SLC39A9: variants seen among roughly 807,000 people sequenced by gnomAD.
The protein encoded by SLC39A9 is solute carrier family 39 member 9, also known as zinc transporter ZIP9.
In SLC39A9, 14 loss-of-function variants were observed where a neutral mutation model predicts 28.4. That is an observed-to-expected ratio of 0.49 (90% CI 0.33 to 0.77). The LOEUF (loss-of-function observed/expected upper bound fraction) is 0.77. Ranked by LOEUF, SLC39A9 falls within the 30% of genes least tolerant of loss-of-function variation. SLC39A9 has a pLI of 0.02. For synonymous variants in SLC39A9, 119 were observed against 149.6 expected, an observed-to-expected ratio of 0.80 and a Z score of 1.49; for missense variants, 283 against 381.1, an observed-to-expected ratio of 0.74 and a Z score of 2.14.
intron 2 of SLC39A9, among the ~76,000 whole-genome samples, chr14:69,425,081 C>T (rs1386305476): frequency 1.3e-5 from 2 of 152,066 alleles, no homozygotes; most frequent in Non-Finnish European, 2.9e-5. Flanking sequence ...AGAAGTGTTG[C>T]AAGATAGGAC....
At chr14:69,413,590 C>T (rs998677787) in intron 1 of SLC39A9, among the ~76,000 whole-genome samples, 1 of 151,634 alleles carries the variant, frequency 6.6e-6, no homozygotes, top group Non-Finnish European at 1.5e-5. Flanking sequence ...TTTATTTTGT[C>T]ATGAACCATT....
chr14:69,447,334 G>A (rs1330052867), intron 3 of SLC39A9, among the ~76,000 whole-genome samples: 4 of 152,178 alleles, frequency 2.6e-5, no homozygotes, highest in Non-Finnish European at 5.9e-5. Flanking sequence ...GCAAATTCTG[G>A]AAGGGAGTCA....
intron 1 of SLC39A9, among the ~76,000 whole-genome samples, chr14:69,417,844 G>T (rs1883661541): frequency 6.6e-6 from 1 of 152,132 alleles, no homozygotes; most frequent in South Asian, 2.1e-4. Flanking sequence ...TGCTGAAGTT[G>T]CTTATCAGCT....
In SLC39A9 at chr14:69,424,083, T is replaced by C. The variant is rs775225389; in HGVS notation, c.97-11T>C. On this transcript the variant is annotated splice_polypyrimidine_tract_variant and intron_variant, in intron 1 of 6. Coordinates refer to ENST00000336643, the MANE Select transcript of SLC39A9 (RefSeq NM_018375.5). ...CAAAGTTTGCAATTATTTCTTTTGC[T>C]TTCTCCCCAGGAACGACTGAAGCTG... 6.2e-7 allele frequency: 1 copy of C among 1,608,864 alleles called. No individual in the cohort carries two copies. Among genetic ancestry groups the C allele is most frequent in the Non-Finnish European group, 8.5e-7 (1 of 1,175,594 alleles).
intron 2 of SLC39A9, among the ~76,000 whole-genome samples, chr14:69,436,535 G>A (rs777345828): frequency 6.6e-6 from 1 of 152,178 alleles, no homozygotes; most frequent in Non-Finnish European, 1.5e-5. Flanking sequence ...TTTAGATTCA[G>A]CCTAAAAGTT....
chr14:69,411,406 A>G (rs528297383), intron 1 of SLC39A9, among the ~76,000 whole-genome samples: 32 of 152,254 alleles, frequency 2.1e-4, no homozygotes, highest in African/African-American at 7.7e-4. Flanking sequence ...TAATTAATGT[A>G]TCTAGCAGAT....
At chr14:69,438,427 T>C (rs1566919671) in intron 2 of SLC39A9, among the ~76,000 whole-genome samples, 1 of 152,210 alleles carries the variant, frequency 6.6e-6, no homozygotes, top group Non-Finnish European at 1.5e-5. Context: ...GTGGACCTTA[T>C]AATTATAATA....
intron 2 of SLC39A9, chr14:69,429,086 C>G (rs958387571): frequency 6.6e-6 from 1 of 152,072 alleles, no homozygotes; most frequent in African/African-American, 2.4e-5. Context: ...GTTTCCTAAT[C>G]TTAAAATCTA....
At chr14:69,425,018 T>G (rs974771006) in intron 2 of SLC39A9, among the ~76,000 whole-genome samples, 3 of 152,172 alleles carry the variant, frequency 2.0e-5, no homozygotes, top group African/African-American at 7.2e-5. Flanking sequence ...GTGATGCTCT[T>G]AGGCCTGGGG....
Position 69,459,820 on chromosome 14 carries a change from G to A in SLC39A9, c.*1227G>A, listed in dbSNP as rs1308363740. 1.0e-6 allele frequency: 1 copy of A among 985,230 alleles called. No homozygotes were observed. The highest frequency in any genetic ancestry group is 1.2e-6 in the Non-Finnish European group (1 of 829,926). The allele number at this position is 985,230 out of a possible 1,614,324, so 61.0% of individuals were successfully genotyped here. A position where few individuals can be genotyped will look rare whatever the true frequency, so the allele number is the denominator to read the frequency against. On this transcript the variant is annotated 3_prime_UTR_variant, in exon 7 of 7. Coordinates refer to ENST00000336643, the MANE Select transcript of SLC39A9 (RefSeq NM_018375.5). ...CTGCTTACTGCTGGTGTTAATATTT[G>A]TGTGGGATGAATTCTTATCAGGACA...
intron 1 of SLC39A9, among the ~76,000 whole-genome samples, chr14:69,423,099 T>C (rs866264801): frequency 6.6e-5 from 10 of 152,344 alleles, no homozygotes; most frequent in Middle Eastern, 3.4e-3. Flanking sequence ...TTAAAAGTTA[T>C]GTATTTATAT....
At chr14:69,421,777 A>G (rs1883911503) in intron 1 of SLC39A9, among the ~76,000 whole-genome samples, 1 of 152,178 alleles carries the variant, frequency 6.6e-6, no homozygotes, top group Non-Finnish European at 1.5e-5. Flanking sequence ...GCTAGCAGTG[A>G]ATAAGGCTCC....
At chr14:69,407,302 C>CCCTTCCTTCCTTCCTT (rs774804877) in intron 1 of SLC39A9, among the ~76,000 whole-genome samples, 79 of 143,936 alleles carry the variant, frequency 5.5e-4, no homozygotes, top group African/African-American at 1.8e-3. Flanking sequence ...TCCCTTCCTT[C>CCCTTCCTTCCTTCCTT]CCTTCCTTCC....
intron 1 of SLC39A9, among the ~76,000 whole-genome samples, chr14:69,400,332 T>G (rs1214784487): frequency 6.6e-6 from 1 of 152,232 alleles, no homozygotes; most frequent in East Asian, 1.9e-4. Flanking sequence ...GTTTTGACAT[T>G]TTCGTTAATT....
chr14:69,458,454 T>A lies in SLC39A9; in HGVS notation c.785T>A (p.Val262Asp), dbSNP rs1156501128. The A allele has an allele frequency of 6.2e-7, 1 of 1,614,120 alleles. No homozygotes were observed. Among genetic ancestry groups the A allele is most frequent in the African/African-American group, 1.3e-5 (1 of 74,934 alleles). The part of the protein sequence containing the change: ...GTFLYVATVH[V>D]LPEVGGIGHS... Reference sequence around the variant, plus strand: ...TTTCTTTATGTTGCCACAGTACATGTCCTCCCTGAGGTGGGCGGAATAGGG... The same window carrying A: ...TTTCTTTATGTTGCCACAGTACATGACCTCCCTGAGGTGGGCGGAATAGGG... The change falls in exon 7 of 7, where the codon GTC becomes GAC. Residue 262 changes from valine (V) to aspartate (D), a missense_variant. Physicochemically the swap from Val to Asp is radical, Grantham distance 152. Coordinates refer to ENST00000336643, the MANE Select transcript of SLC39A9 (RefSeq NM_018375.5).
At chr14:69,400,157 T>C (rs748774520) in intron 1 of SLC39A9, among the ~76,000 whole-genome samples, 9 of 152,264 alleles carry the variant, frequency 5.9e-5, no homozygotes, top group Non-Finnish European at 1.3e-4. Context: ...CACACCTTTC[T>C]GAGGAAAGCT....
intron 6 of SLC39A9, 145 bp downstream of exon 6, chr14:69,456,011 T>A: frequency 2.2e-6 from 2 of 901,486 alleles, no homozygotes; most frequent in Non-Finnish European, 3.2e-6. Flanking sequence ...GTAAATATCT[T>A]AATTCCAATG....
At chr14:69,415,917 CTT>C (rs1883550033) in intron 1 of SLC39A9, among the ~76,000 whole-genome samples, 1 of 151,890 alleles carries the variant, frequency 6.6e-6, no homozygotes, top group Non-Finnish European at 1.5e-5. Flanking sequence ...TAACTAACCT[CTT>C]TATTATTATT....
chr14:69,441,995 A>G, intron 2 of SLC39A9, 74 bp from the exon 3 acceptor site: 1 of 1,531,476 alleles, frequency 6.5e-7, no homozygotes, highest in African/African-American at 1.4e-5. Flanking sequence ...TGAAATACAA[A>G]GAATGGAAAC....
Sources: gnomAD v4.1 joint callset for allele counts (sites outside exome capture counted in the v4.1 genomes callset) on GRCh38, gnomAD v4.1.1 for gene constraint, MANE v1.5 for transcripts, NCBI Gene and HGNC (gene_info 2026-07-23, HGNC 2026-07-21) for gene names.